The following ANK3 variants were observed in gnomAD, a reference collection of about 807,000 sequenced individuals.
ANK3 encodes ankyrin 3.
ANK3 carries 57 observed loss-of-function variants against 370.9 expected under a neutral mutation model. The observed-to-expected ratio is 0.15, with a 90% CI of 0.12 to 0.19. The LOEUF is 0.19. Ranked by LOEUF, ANK3 falls within the 10% of genes least tolerant of loss-of-function variation. ANK3 has a pLI of 1.00. For missense variants in ANK3, 4,439 were observed against 5,302.1 expected (o/e 0.84, Z 5.06); for synonymous variants, 1,929 against 1,946.3 (o/e 0.99, Z 0.23).
intron 1 of ANK3, among the ~76,000 whole-genome samples, chr10:60,659,049 C>T (rs1288146523): frequency 5.3e-5 from 8 of 152,062 alleles, no homozygotes; most frequent in Admixed American, 2.0e-4. Flanking sequence ...AAATTAACAA[C>T]ATTCTTTACC....
chr10:60,220,939 T>C (rs1329341093), intron 8 of ANK3, among the ~76,000 whole-genome samples: 1 of 152,212 alleles, frequency 6.6e-6, no homozygotes, highest in Non-Finnish European at 1.5e-5. Flanking sequence ...CATTCATCCT[T>C]GAAAATTATC....
At chr10:60,244,995 C>T (rs2132578074) in intron 7 of ANK3, among the ~76,000 whole-genome samples, 1 of 152,182 alleles carries the variant, frequency 6.6e-6, no homozygotes, top group African/African-American at 2.4e-5. Flanking sequence ...CGGTGAAACC[C>T]CGTCTCTACT....
intron 42 of ANK3, among the ~76,000 whole-genome samples, chr10:60,052,218 C>T (rs373554559): frequency 1.3e-5 from 2 of 151,968 alleles, no homozygotes; most frequent in African/African-American, 4.8e-5. Context: ...AAAATAGCTC[C>T]TTAGGAGGCT....
intron 28 of ANK3, among the ~76,000 whole-genome samples, chr10:60,096,135 T>C (rs2090084889): frequency 6.6e-6 from 1 of 152,050 alleles, no homozygotes; most frequent in Non-Finnish European, 1.5e-5. Flanking sequence ...ATCATGCCAC[T>C]GCACTGCAGC....
intron 40 of ANK3, among the ~76,000 whole-genome samples, chr10:60,061,393 T>C (rs2080428809): frequency 6.6e-6 from 1 of 152,242 alleles, no homozygotes; most frequent in Non-Finnish European, 1.5e-5. Context: ...TTTTAAAATG[T>C]TCAAATTAAA....
At chr10:60,320,635 G>T (rs951592592) in intron 1 of ANK3, among the ~76,000 whole-genome samples, 1 of 152,068 alleles carries the variant, frequency 6.6e-6, no homozygotes, top group Non-Finnish European at 1.5e-5. Context: ...TTGAAGGCTC[G>T]CTGTGTGCAG....
intron 8 of ANK3, among the ~76,000 whole-genome samples, chr10:60,224,447 TCAAAAG>T (rs2097107141): frequency 6.6e-6 from 1 of 152,054 alleles, no homozygotes; most frequent in Admixed American, 6.6e-5. Context: ...CATGCGAAGG[TCAAAAG>T]ACTTTCCGGT....
intron 1 of ANK3, among the ~76,000 whole-genome samples, chr10:60,370,450 A>G (rs550451698): frequency 1.3e-5 from 2 of 152,284 alleles, no homozygotes; most frequent in South Asian, 4.1e-4. Flanking sequence ...AATTAATTTA[A>G]AAAGAAAAAA....
chr10:60,353,448 C>T (rs775487066), intron 1 of ANK3, among the ~76,000 whole-genome samples: 3 of 152,154 alleles, frequency 2.0e-5, no homozygotes, highest in Non-Finnish European at 4.4e-5. Context: ...CCCTGCCTAA[C>T]ACAGGTCTTT....
chr10:60,440,190 G>A (rs1046041899), intron 2 of ANK3, among the ~76,000 whole-genome samples: 1 of 152,154 alleles, frequency 6.6e-6, no homozygotes, highest in East Asian at 1.9e-4. Flanking sequence ...CCCTTGACTC[G>A]GTGGAGTTTC....
chr10:60,124,979 G>T (rs573990463), intron 25 of ANK3, among the ~76,000 whole-genome samples: 6 of 152,056 alleles, frequency 3.9e-5, no homozygotes, highest in South Asian at 2.1e-4. Context: ...TTATTGTGAC[G>T]TGCAGTGGAT....
intron 2 of ANK3, among the ~76,000 whole-genome samples, chr10:60,419,423 C>T (rs551512340): frequency 3.3e-5 from 5 of 152,242 alleles, no homozygotes; most frequent in Non-Finnish European, 7.4e-5. Flanking sequence ...AGTTAGCATA[C>T]CTGGCCCTAT....
In ANK3 at chr10:60,186,826, G is replaced by A. The variant is rs140802599; in HGVS notation, c.1974C>T (p.Asn658=). Residue 658 remains asparagine, a synonymous_variant, in exon 17 of 44, where the codon AAC becomes AAT. Coordinates refer to ENST00000280772, the MANE Select transcript of ANK3 (RefSeq NM_020987.5). ...AAGCAATTCCTTGCCGGGTAACTGC[G>A]TTGGCATCAGCACCATATTCCAGCA... is the stretch of plus-strand genomic sequence containing the variant. The part of the protein sequence containing the change: ...TTLLEYGADA[N]AVTRQGIASV... 1.9e-4 allele frequency: 313 copies of A among 1,614,180 alleles called. 1 individual carries two copies. The highest frequency in any genetic ancestry group is 1.7e-3 in the African/African-American group (125 of 75,046).
chr10:60,243,006 T>G (rs565536586), intron 7 of ANK3, among the ~76,000 whole-genome samples: 1 of 152,338 alleles, frequency 6.6e-6, no homozygotes, highest in African/African-American at 2.4e-5. Context: ...TGTAGTGTAC[T>G]AATATATACT....
chr10:60,617,071 T>C (rs1047944799), intron 1 of ANK3, among the ~76,000 whole-genome samples: 1 of 152,178 alleles, frequency 6.6e-6, no homozygotes, highest in Non-Finnish European at 1.5e-5. Flanking sequence ...CATTTGTGTA[T>C]CATAATTATA....
chr10:60,438,402 T>C (rs1323439954), intron 2 of ANK3, among the ~76,000 whole-genome samples: 2 of 152,160 alleles, frequency 1.3e-5, no homozygotes, highest in Non-Finnish European at 2.9e-5. Context: ...ATGAAGCTTC[T>C]ATGAAAATTT....
At chr10:60,140,468 C>G (rs2094513943) in intron 23 of ANK3, 3 of 1,605,280 alleles carry the variant, frequency 1.9e-6, no homozygotes, top group Non-Finnish European at 2.6e-6. Context: ...GGAAACCAAT[C>G]CCTGGTTTGT....
rs117799230 is a variant in ANK3, at chr10:60,202,737, G to A, written c.1392+265C>T. ...GCCTGGGCAAAATAGTGAGGCCCCC[G>A]TCTCTACAAAACATTTAAAAATTAG... is the stretch of plus-strand genomic sequence containing the variant. On this transcript the variant is annotated intron_variant, in intron 12 of 43. Coordinates refer to ENST00000280772, the MANE Select transcript of ANK3 (RefSeq NM_020987.5). Among the ~76,000 whole-genome samples, 1,268 of 152,000 alleles carry A rather than the reference G, an allele frequency of 8.3e-3. 33 individuals are homozygous for A. The highest frequency in any genetic ancestry group is 0.031 in the Admixed American group (474 of 15,254).
rs144638470 is a variant in ANK3 at position 60,073,040 on chromosome 10, C to T, written c.7841G>A (p.Arg2614His). Residue 2614 changes from arginine to histidine, a missense_variant, in exon 37 of 44, where the codon CGC becomes CAC. Around this residue, in one of 13 missense-constraint regions of ANK3, gnomAD observed 1,601 missense variants for 1,731.7 expected, o/e 0.92. Coordinates refer to ENST00000280772, the MANE Select transcript of ANK3 (RefSeq NM_020987.5). ...AGAATATTCTTTGCCATTTTTAGGG[C>T]GTGCCTTTTTCTCTGGGGACTGCAG... ...DELQSPEKKA[R>H]PKNGKEYSSQ... The T allele has an allele frequency of 1.5e-4, 244 of 1,614,072 alleles. No individual in the cohort carries two copies. In the African/African-American group the frequency reaches 2.5e-3, roughly 16 times the overall value.
Sources: gnomAD v4.1 joint callset for allele counts (sites outside exome capture counted in the v4.1 genomes callset) on GRCh38, gnomAD v4.1.1 for gene constraint, gnomAD v4.1.1 regional missense constraint, MANE v1.5 for transcripts, NCBI Gene and HGNC (gene_info 2026-07-23, HGNC 2026-07-21) for gene names.